PCSK2: variants seen among roughly 807,000 people sequenced by gnomAD.
The protein encoded by PCSK2 is neuroendocrine convertase 2.
Under a neutral mutation model 69.7 loss-of-function variants are expected in PCSK2, and 14 were observed. The ratio of observed to expected loss-of-function variants is 0.20; its 90% CI spans 0.13 to 0.31. PCSK2 has a LOEUF of 0.31. PCSK2 is among the 10% of genes least tolerant of loss of function. The probability of loss-of-function intolerance (pLI) is 1.00; values close to 1 mark genes in which losing one functional copy is unlikely to be tolerated. For missense variants in PCSK2, 544 were observed against 842.5 expected, an observed-to-expected ratio of 0.65 and a Z score of 4.39; for synonymous variants, 307 against 320.7, an observed-to-expected ratio of 0.96 and a Z score of 0.46.
At chr20:17,307,027 G>A (rs1244664523) in intron 2 of PCSK2, among the ~76,000 whole-genome samples, 3 of 152,140 alleles carry the variant, frequency 2.0e-5, no homozygotes, top group African/African-American at 7.2e-5. Flanking sequence ...TGTCTTATCA[G>A]CCAAGTCAAC....
intron 1 of PCSK2, among the ~76,000 whole-genome samples, chr20:17,228,749 G>C (rs1161999911): frequency 6.6e-6 from 1 of 152,208 alleles, no homozygotes; most frequent in Admixed American, 6.5e-5. Flanking sequence ...CTCCAGGTGT[G>C]GGGGCCTCTC....
intron 5 of PCSK2, among the ~76,000 whole-genome samples, chr20:17,399,400 A>G (rs956357939): frequency 1.3e-5 from 2 of 152,240 alleles, no homozygotes; most frequent in African/African-American, 4.8e-5. Context: ...ACTTTTTAAC[A>G]TAAACAAATG....
At chr20:17,446,372 C>CCCACAGGGACTCTG (rs1346865902) in intron 8 of PCSK2, among the ~76,000 whole-genome samples, 3 of 152,168 alleles carry the variant, frequency 2.0e-5, no homozygotes, top group Non-Finnish European at 2.9e-5. Context: ...TACCACAGAA[C>CCCACAGGGACTCTG]CCACAGGGAC....
chr20:17,349,840 C>G (rs991568680), intron 2 of PCSK2, among the ~76,000 whole-genome samples: 2 of 151,914 alleles, frequency 1.3e-5, no homozygotes, highest in Non-Finnish European at 2.9e-5. Context: ...GTTTTAAACA[C>G]CGCTGAGGCC....
chr20:17,241,117 C>G (rs964031899), intron 1 of PCSK2, among the ~76,000 whole-genome samples: 8 of 152,238 alleles, frequency 5.3e-5, no homozygotes, highest in Admixed American at 2.0e-4. Flanking sequence ...ATATATAGTG[C>G]ATGTGAGGCC....
intron 4 of PCSK2, among the ~76,000 whole-genome samples, chr20:17,365,050 C>T (rs35502420): frequency 0.036 from 5,435 of 149,346 alleles, 149 homozygotes; most frequent in Non-Finnish European, 0.055. Flanking sequence ...TACAATGTGC[C>T]TTAGTCCGTT....
intron 7 of PCSK2, among the ~76,000 whole-genome samples, chr20:17,433,553 C>G (rs566374938): frequency 2.2e-4 from 33 of 152,352 alleles, no homozygotes; most frequent in Admixed American, 2.0e-3. Flanking sequence ...CCTGGACATG[C>G]AGCCCCCGGG....
intron 2 of PCSK2, among the ~76,000 whole-genome samples, chr20:17,303,453 TATTAAATATAATA>T (rs550610430): frequency 0.26 from 26,763 of 104,650 alleles, 4,323 homozygotes; most frequent in Middle Eastern, 0.33. Context: ...ATATATATTA[TATTAAATATAATA>T]TATATTATAT....
chr20:17,370,353 G>A (rs1280860119), intron 5 of PCSK2, among the ~76,000 whole-genome samples: 2 of 152,154 alleles, frequency 1.3e-5, no homozygotes, highest in South Asian at 4.1e-4. Flanking sequence ...CACAAAGAAA[G>A]GGGGAATATT....
chr20:17,230,218 C>T (rs528517961), intron 1 of PCSK2, among the ~76,000 whole-genome samples: 11 of 152,286 alleles, frequency 7.2e-5, no homozygotes, highest in East Asian at 1.9e-4. Flanking sequence ...TTCCCAACTC[C>T]CTACTGCTCC....
intron 2 of PCSK2, among the ~76,000 whole-genome samples, chr20:17,296,643 G>A (rs1399359958): frequency 2.6e-5 from 4 of 152,168 alleles, no homozygotes; most frequent in Non-Finnish European, 4.4e-5. Context: ...AAGAGAGCAC[G>A]TGAGCTCAAA....
At chr20:17,435,240 A>G (rs1218422994) in intron 7 of PCSK2, among the ~76,000 whole-genome samples, 1 of 152,246 alleles carries the variant, frequency 6.6e-6, no homozygotes, top group Non-Finnish European at 1.5e-5. Context: ...TTTATTCACC[A>G]AATATTTGTC....
chr20:17,241,836 C>T (rs1266692564), intron 1 of PCSK2, among the ~76,000 whole-genome samples: 2 of 152,198 alleles, frequency 1.3e-5, no homozygotes, highest in Non-Finnish European at 2.9e-5. Flanking sequence ...AGTGGTGTAT[C>T]ACCATGATCC....
At chr20:17,373,294 A>T (rs1344763696) in intron 5 of PCSK2, among the ~76,000 whole-genome samples, 1 of 152,188 alleles carries the variant, frequency 6.6e-6, no homozygotes, top group Non-Finnish European at 1.5e-5. Context: ...CAGCTCTGGG[A>T]GACAGCATAG....
At chr20:17,394,870 T>G (rs567694684) in intron 5 of PCSK2, among the ~76,000 whole-genome samples, 4 of 152,360 alleles carry the variant, frequency 2.6e-5, no homozygotes, top group African/African-American at 7.2e-5. Context: ...TGTCCAAGTT[T>G]TTTGGCTTCA....
chr20:17,265,860 G>T (rs1987579487), intron 2 of PCSK2, among the ~76,000 whole-genome samples: 1 of 152,114 alleles, frequency 6.6e-6, no homozygotes, highest in Non-Finnish European at 1.5e-5. Flanking sequence ...TACCATTGAG[G>T]CAAAATAGAC....
intron 2 of PCSK2, among the ~76,000 whole-genome samples, chr20:17,288,518 TC>T (rs932475052): frequency 2.6e-5 from 4 of 152,206 alleles, no homozygotes; most frequent in East Asian, 1.9e-4. Context: ...CTGAATTGTT[TC>T]CCCCCAGATT....
At chr20:17,411,767 G>A (rs1013384637) in intron 6 of PCSK2, among the ~76,000 whole-genome samples, 1 of 152,216 alleles carries the variant, frequency 6.6e-6, no homozygotes, top group African/African-American at 2.4e-5. Context: ...CCCAGTAGGG[G>A]CCAACAGACA....
intron 2 of PCSK2, among the ~76,000 whole-genome samples, chr20:17,290,414 T>C (rs1988659074): frequency 6.6e-6 from 1 of 152,244 alleles, no homozygotes; most frequent in South Asian, 2.1e-4. Flanking sequence ...AAATTTCTAA[T>C]AATCATATTT....
Sources: gnomAD v4.1 joint callset for allele counts (sites outside exome capture counted in the v4.1 genomes callset) on GRCh38, gnomAD v4.1.1 for gene constraint, MANE v1.5 for transcripts, NCBI Gene and HGNC (gene_info 2026-07-23, HGNC 2026-07-21) for gene names.